The following STRIP2 variants were observed in gnomAD, a reference collection of about 807,000 sequenced individuals.
STRIP2 encodes striatin-interacting protein 2.
Under a neutral mutation model 107.1 loss-of-function variants are expected in STRIP2, and 84 were observed. That is an observed-to-expected ratio of 0.78 (90% CI 0.66 to 0.94). The LOEUF is 0.94. Among genes scored for constraint, STRIP2 ranks in the 40% least tolerant of loss-of-function variants. STRIP2 has a pLI of 0.00. For synonymous variants in STRIP2, 394 were observed against 400.4 expected (o/e 0.98, Z 0.19); for missense variants, 888 against 1,034.2 (o/e 0.86, Z 1.94).
chr7:129,479,245 G>T (rs1799053417), intron 18 of STRIP2, among the ~76,000 whole-genome samples: 1 of 146,482 alleles, frequency 6.8e-6, no homozygotes, highest in Non-Finnish European at 1.5e-5. Context: ...CTGCACTCAA[G>T]TCTGGGCAAC....
At chr7:129,456,271 A>T (rs1798349868) in intron 8 of STRIP2, among the ~76,000 whole-genome samples, 168 bp from the exon 9 acceptor site, 1 of 147,168 alleles carries the variant, frequency 6.8e-6, no homozygotes, top group Non-Finnish European at 1.5e-5. Context: ...TGCCGTGGGG[A>T]TGGTAATCAT....
intron 3 of STRIP2, among the ~76,000 whole-genome samples, chr7:129,446,862 G>T (rs1562896869): frequency 2.0e-5 from 3 of 152,198 alleles, no homozygotes; most frequent in Non-Finnish European, 4.4e-5. Flanking sequence ...GGCTTGATGG[G>T]TCAGAAAGCA....
chr7:129,483,060 A>G lies in STRIP2; in HGVS notation c.2254+14A>G. 2 of 1,613,086 alleles carry G rather than the reference A, an allele frequency of 1.2e-6. No homozygotes were observed. The highest frequency in any genetic ancestry group is 1.7e-6 in the Non-Finnish European group (2 of 1,179,132). On this transcript the variant is annotated intron_variant, in intron 20 of 20. Transcript: ENST00000249344. The surrounding 1 kb of genome is among the most constrained non-coding windows in gnomAD (Gnocchi z 5.1). ...CTTACGGGAATGGTGAGTCTTCCCA[A>G]AGCTCTTGACTTCCTGGAGTTTCCT...
At chr7:129,437,207 G>A (rs1797763818) in intron 1 of STRIP2, among the ~76,000 whole-genome samples, 2 of 90,126 alleles carry the variant, frequency 2.2e-5, no homozygotes, top group South Asian at 8.6e-4. Flanking sequence ...GGAGACTGAG[G>A]CAGGTGGGTA....
intron 20 of STRIP2, 120 bp from the exon 21 acceptor site, chr7:129,485,459 A>T: frequency 8.7e-7 from 1 of 1,143,362 alleles, no homozygotes; most frequent in Non-Finnish European, 1.2e-6. Flanking sequence ...TCTTTACAAA[A>T]AAAAAAAAAA....
chr7:129,484,752 T>C (rs1266555882), intron 20 of STRIP2: 1 of 152,232 alleles, frequency 6.6e-6, no homozygotes, highest in African/African-American at 2.4e-5. Context: ...CACAATTATC[T>C]ATTAAATTCT....
At position 129,485,980 on chromosome 7, in the gene STRIP2, A is replaced by C; in HGVS notation, c.*151A>C. On this transcript the variant is annotated 3_prime_UTR_variant, in exon 21 of 21. Transcript: ENST00000249344. Reference sequence around the variant, plus strand: ...TGGTGCAAGGGTGGGATCCTGAATCACAATAAAATGATCAACTTGCCCTGG... The same window carrying C: ...TGGTGCAAGGGTGGGATCCTGAATCCCAATAAAATGATCAACTTGCCCTGG... 1.1e-6 allele frequency: 1 copy of C among 878,978 alleles called. No homozygotes were observed. Among genetic ancestry groups the C allele is most frequent in the Non-Finnish European group, 1.7e-6 (1 of 583,802 alleles). The allele number at this position is 878,978 out of a possible 1,614,324, so 54.4% of individuals were successfully genotyped here.
intron 13 of STRIP2, 87 bp downstream of exon 13, chr7:129,460,459 C>A (rs1354952449): frequency 2.8e-6 from 3 of 1,086,738 alleles, no homozygotes; most frequent in Non-Finnish European, 4.2e-6. Flanking sequence ...TGCATTCATT[C>A]AGCATATTAG....
chr7:129,479,662 T>A (rs1012904118), intron 18 of STRIP2, among the ~76,000 whole-genome samples: 1 of 151,838 alleles, frequency 6.6e-6, no homozygotes, highest in South Asian at 2.1e-4. Flanking sequence ...GCTAATTTTT[T>A]AATTTTTTTA....
Position 129,467,338 on chromosome 7 carries a change from T to A in STRIP2, c.1777-12T>A. ...AAATAAGCAGCCCTTTCTGCTTTGA[T>A]TTTTAATTCAGTTTGAATATGTATC... On this transcript the variant is annotated splice_polypyrimidine_tract_variant and intron_variant, in intron 16 of 20. Transcript: ENST00000249344. 1 of 1,605,544 alleles carries A rather than the reference T, an allele frequency of 6.2e-7. No individual in the cohort carries two copies. Among genetic ancestry groups the A allele is most frequent in the Non-Finnish European group, 8.5e-7 (1 of 1,172,760 alleles).
chr7:129,486,889 G>T lies in STRIP2; in HGVS notation c.*1060G>T, dbSNP rs1174955546. 2 of 150,654 alleles carry T rather than the reference G, an allele frequency of 1.3e-5. No individual in the cohort carries two copies. Among genetic ancestry groups the T allele is most frequent in the African/African-American group, 4.9e-5 (2 of 40,888 alleles). The allele number at this position is 150,654 out of a possible 1,614,324, so 9.3% of individuals were successfully genotyped here. A position where few individuals can be genotyped will look rare whatever the true frequency, so the allele number is the denominator to read the frequency against. Reference sequence around the variant, plus strand: ...ATTGCACATTTCATTGAAAATGTGAGAGTTGATATACCAGCCTCTTTATAT... The same window carrying T: ...ATTGCACATTTCATTGAAAATGTGATAGTTGATATACCAGCCTCTTTATAT... On this transcript the variant is annotated 3_prime_UTR_variant, in exon 21 of 21. Coordinates refer to ENST00000249344, the MANE Select transcript of STRIP2 (RefSeq NM_020704.3).
At position 129,454,471 on chromosome 7, in the gene STRIP2, G is replaced by A. The variant is rs750093828; in HGVS notation, c.650G>A (p.Arg217Gln). ...YLMVENIRLE[R>Q]ETDPCGWRTA... is the part of the protein sequence containing the mutation. ...ATGGTGGAAAATATTCGCCTGGAGCGAGAGACAGACCCCTGTGGGTGGAGA... is the reference window on the plus strand; with the variant it reads ...ATGGTGGAAAATATTCGCCTGGAGCAAGAGACAGACCCCTGTGGGTGGAGA... Residue 217 changes from arginine (R) to glutamine (Q), a missense_variant, in exon 7 of 21, where the codon CGA (arginine) becomes CAA (glutamine). Coordinates refer to ENST00000249344, the MANE Select transcript of STRIP2 (RefSeq NM_020704.3). 17 of 1,614,052 alleles carry A rather than the reference G, an allele frequency of 1.1e-5. No individual in the cohort carries two copies. The highest frequency in any genetic ancestry group is 8.3e-5 in the Admixed American group (5 of 60,012).
chr7:129,445,142 G>A (rs1421331496), intron 3 of STRIP2, among the ~76,000 whole-genome samples: 1 of 152,160 alleles, frequency 6.6e-6, no homozygotes. Context: ...GGATTGGGGT[G>A]TTGTAGTTTC....
In STRIP2 at chr7:129,485,351, CA is replaced by C. The variant is rs1799216543; in HGVS notation, c.2255-225del. ...ATTACCAGTTTCTAGACTACCCTTC[CA>C]AAGATAATTTCTGCATATACAAGCT... On this transcript the variant is annotated intron_variant, in intron 20 of 20. Transcript: ENST00000249344. Among the ~76,000 whole-genome samples, 3 of 148,576 alleles carry C rather than the reference CA, an allele frequency of 2.0e-5. No individual in the cohort carries two copies. The South Asian group carries it at 6.3e-4, about 31-fold the overall frequency.
rs1279152353 is a variant in STRIP2, at chr7:129,461,131, T to G, written c.1476+759T>G. On this transcript the variant is annotated intron_variant, in intron 13 of 20. Coordinates refer to ENST00000249344, the MANE Select transcript of STRIP2 (RefSeq NM_020704.3). The surrounding 1 kb of genome is among the most constrained non-coding windows in gnomAD (Gnocchi z 4.0). ...GATTTGGAGATGTAGCTGACAAGAC[T>G]TGCAGTGCATTTGGATGTGGATAGA... Among the ~76,000 whole-genome samples the G allele has an allele frequency of 6.6e-6, 1 of 152,226 alleles. No homozygotes were observed. The highest frequency in any genetic ancestry group is 1.5e-5 in the Non-Finnish European group (1 of 68,040).
At chr7:129,471,329 C>T (rs1798784827) in intron 18 of STRIP2, among the ~76,000 whole-genome samples, 1 of 152,114 alleles carries the variant, frequency 6.6e-6, no homozygotes, top group African/African-American at 2.4e-5. Flanking sequence ...CATGTATTGC[C>T]ATAGCTCCTT....
In STRIP2 at chr7:129,454,171, G is replaced by A. The variant is rs746720666; in HGVS notation, c.560G>A (p.Arg187Gln). Residue 187 changes from arginine (R) to glutamine (Q), a missense_variant, in exon 6 of 21, where the codon CGG becomes CAG. Arg to Gln is a conservative substitution (Grantham distance 43). Coordinates refer to ENST00000249344, the MANE Select transcript of STRIP2 (RefSeq NM_020704.3). ...DNSQACSSAL[R>Q]KPAVSIADST... The stretch of plus-strand genomic sequence containing the variant: ...AGCCAGGCCTGTAGCAGTGCCCTTC[G>A]GAAACCAGCTGTCTCCATAGCTGAT... 1.3e-5 allele frequency: 21 copies of A among 1,613,988 alleles called. No homozygotes were observed. The highest frequency in any genetic ancestry group is 3.3e-5 in the South Asian group (3 of 91,078).
At chr7:129,476,681 A>G (rs1038674173) in intron 18 of STRIP2, among the ~76,000 whole-genome samples, 6 of 145,324 alleles carry the variant, frequency 4.1e-5, no homozygotes, top group African/African-American at 1.6e-4. Context: ...GGCACTCCTC[A>G]CTTCCCAGAC....
chr7:129,454,374 G>T lies in STRIP2; in HGVS notation c.600-47G>T, dbSNP rs1473686302. Reference sequence around the variant, plus strand: ...CCATCTCTGAGGTCTGTGACTATGGGCTGGGAATTGCCTTGGGAACCTCTT... The same window carrying T: ...CCATCTCTGAGGTCTGTGACTATGGTCTGGGAATTGCCTTGGGAACCTCTT... On this transcript the variant is annotated intron_variant, in intron 6 of 20. Coordinates refer to ENST00000249344, the MANE Select transcript of STRIP2 (RefSeq NM_020704.3). 4.6e-6 allele frequency: 7 copies of T among 1,531,812 alleles called. No homozygotes were observed. The South Asian group carries it at 7.8e-5, about 17-fold the overall frequency. 94.9% of individuals were successfully genotyped at this position (1,531,812 alleles called of 1,614,324 possible).
Sources: gnomAD v4.1 joint callset for allele counts (sites outside exome capture counted in the v4.1 genomes callset) on GRCh38, gnomAD v4.1.1 for gene constraint, Gnocchi (gnomAD v3.1) non-coding constraint, MANE v1.5 for transcripts, NCBI Gene and HGNC (gene_info 2026-07-23, HGNC 2026-07-21) for gene names.